The following PRKCZ variants were observed in gnomAD, a reference collection of about 807,000 sequenced individuals.
The protein encoded by PRKCZ is protein kinase C zeta.
A neutral mutation model predicts 79.5 loss-of-function variants in PRKCZ; 33 were observed. That is an observed-to-expected ratio of 0.41 (90% CI 0.31 to 0.55). The LOEUF is 0.55. Among genes scored for constraint, PRKCZ ranks in the 20% least tolerant of loss-of-function variants. PRKCZ has a pLI of 0.19. For synonymous variants in PRKCZ, 342 were observed against 320.9 expected, an observed-to-expected ratio of 1.07 and a Z score of -0.70; for missense variants, 578 against 813.5, an observed-to-expected ratio of 0.71 and a Z score of 3.52.
intron 9 of PRKCZ, among the ~76,000 whole-genome samples, chr1:2,152,309 G>T (rs780746313): frequency 6.6e-6 from 1 of 152,116 alleles, no homozygotes; most frequent in Non-Finnish European, 1.5e-5. Flanking sequence ...GAGACAGGTG[G>T]ATTACCTGAG....
intron 5 of PRKCZ, among the ~76,000 whole-genome samples, chr1:2,137,106 T>A (rs1676360623): frequency 6.6e-6 from 1 of 152,188 alleles, no homozygotes; most frequent in African/African-American, 2.4e-5. Flanking sequence ...CTTCAGCCTC[T>A]GCCAGAGGCT....
At chr1:2,063,637 G>A (rs894201466) in intron 4 of PRKCZ, among the ~76,000 whole-genome samples, 1 of 152,086 alleles carries the variant, frequency 6.6e-6, no homozygotes, top group Non-Finnish European at 1.5e-5. Flanking sequence ...AAGAGCCGCC[G>A]TGCCATTTCC....
intron 4 of PRKCZ, among the ~76,000 whole-genome samples, chr1:2,129,050 G>A (rs1674468350): frequency 6.6e-6 from 1 of 152,108 alleles, no homozygotes; most frequent in Non-Finnish European, 1.5e-5. Context: ...ACTTTTGAGG[G>A]GTGGGGACCG....
chr1:2,099,097 T>C (rs566649242), intron 4 of PRKCZ, among the ~76,000 whole-genome samples: 12 of 152,218 alleles, frequency 7.9e-5, no homozygotes, highest in African/African-American at 2.4e-4. Flanking sequence ...ACTTCCGTTG[T>C]TGTCTGTGTT....
At chr1:2,059,238 A>G (rs375011943) in intron 3 of PRKCZ, among the ~76,000 whole-genome samples, 16 of 152,366 alleles carry the variant, frequency 1.1e-4, no homozygotes, top group Middle Eastern at 3.4e-3. Context: ...AAGTAATTGC[A>G]TTTCTTTCCC....
intron 4 of PRKCZ, among the ~76,000 whole-genome samples, chr1:2,077,557 A>G (rs1662674194): frequency 6.6e-6 from 1 of 152,200 alleles, no homozygotes; most frequent in South Asian, 2.1e-4. Context: ...ATGGTTGTGT[A>G]TAAAGTTTGC....
At chr1:2,086,860 C>T (rs1664619941) in intron 4 of PRKCZ, among the ~76,000 whole-genome samples, 1 of 152,246 alleles carries the variant, frequency 6.6e-6, no homozygotes, top group Admixed American at 6.5e-5. Context: ...AGAGCCGCGG[C>T]ATCGTCACCA....
At chr1:2,104,003 A>G (rs1667937306) in intron 4 of PRKCZ, among the ~76,000 whole-genome samples, 1 of 152,248 alleles carries the variant, frequency 6.6e-6, no homozygotes, top group African/African-American at 2.4e-5. Context: ...GTCCACACAG[A>G]TGACAGCACC....
chr1:2,151,631 A>G lies in PRKCZ; in HGVS notation c.876+653A>G, dbSNP rs554476354. ...CCACACCAGCTGTTTCTAGGGGAGA[A>G]GTTTGTTGATTATAGGATCAATGGT... On this transcript the variant is annotated intron_variant, in intron 9 of 17. Transcript: ENST00000378567. 6.6e-5 allele frequency among the ~76,000 whole-genome samples: 10 copies of G among 152,258 alleles called. No homozygotes were observed. In the South Asian group the frequency reaches 1.4e-3, roughly 22 times the overall value.
intron 4 of PRKCZ, among the ~76,000 whole-genome samples, chr1:2,081,816 C>T (rs1375146402): frequency 6.6e-6 from 1 of 151,632 alleles, no homozygotes; most frequent in Admixed American, 6.6e-5. Context: ...CACCCCACCA[C>T]TGCCGCCCCG....
Position 2,185,037 on chromosome 1 carries a change from G to C in PRKCZ, c.*28G>C. 9 of 1,576,730 alleles carry C rather than the reference G, an allele frequency of 5.7e-6. No individual in the cohort carries two copies. Among genetic ancestry groups the C allele is most frequent in the Non-Finnish European group, 7.8e-6 (9 of 1,152,872 alleles). The stretch of plus-strand genomic sequence containing the variant: ...CCGCGTGCGTCTCTGTCGTGGACAC[G>C]CGTGATTGACCCTTTAACTGTATCC... On this transcript the variant is annotated 3_prime_UTR_variant, in exon 18 of 18. Transcript: ENST00000378567.
intron 4 of PRKCZ, chr1:2,074,021 C>T (rs574970548): frequency 6.6e-5 from 95 of 1,433,708 alleles, no homozygotes; most frequent in African/African-American, 5.3e-4. Context: ...GGACGGTGCC[C>T]GAGTCAGCAT....
rs1204517925 is a variant in PRKCZ at position 2,173,893 on chromosome 1, C to T, written c.1286-4C>T. On this transcript the variant is annotated splice_region_variant and splice_polypyrimidine_tract_variant and intron_variant, in intron 13 of 17. Coordinates refer to ENST00000378567, the MANE Select transcript of PRKCZ (RefSeq NM_002744.6). This position sits in a 1 kb window ranked among gnomAD's most constrained non-coding sequence, Gnocchi z 5.7. ...CTCGGTGATGGCTGTGTGCTCTCCC[C>T]CAGGGTTCAGCGTGGACTGGTGGGC... The T allele has an allele frequency of 1.9e-6, 3 of 1,600,758 alleles. No homozygotes were observed. The highest frequency in any genetic ancestry group is 2.7e-5 in the African/African-American group (2 of 74,446).
intron 4 of PRKCZ, among the ~76,000 whole-genome samples, chr1:2,124,213 A>G (rs1161425355): frequency 1.6e-5 from 2 of 122,748 alleles, no homozygotes; most frequent in Admixed American, 8.5e-5. Context: ...TCACGGCTGT[A>G]GTTAGCGTCA....
At chr1:2,109,602 C>T (rs899272442) in intron 4 of PRKCZ, among the ~76,000 whole-genome samples, 7 of 152,144 alleles carry the variant, frequency 4.6e-5, no homozygotes, top group African/African-American at 1.7e-4. Flanking sequence ...GTGGCTTCAG[C>T]GAGAGTCCAT....
At chr1:2,060,989 T>C (rs1054910955) in intron 4 of PRKCZ, among the ~76,000 whole-genome samples, 17 of 152,190 alleles carry the variant, frequency 1.1e-4, no homozygotes, top group African/African-American at 3.4e-4. Context: ...TTTTTATAGA[T>C]ACATAAACAC....
intron 6 of PRKCZ, chr1:2,144,704 A>G: frequency 1.1e-6 from 1 of 945,226 alleles, no homozygotes. Context: ...AGCATTGGGC[A>G]CGCTGAGGCT....
At chr1:2,133,315 C>T (rs549939210) in intron 4 of PRKCZ, among the ~76,000 whole-genome samples, 2 of 151,354 alleles carry the variant, frequency 1.3e-5, no homozygotes, top group East Asian at 2.0e-4. Context: ...CGCAGCTGCA[C>T]GTTCGTCCCT....
intron 10 of PRKCZ, among the ~76,000 whole-genome samples, chr1:2,164,158 T>A (rs1234246053): frequency 6.6e-6 from 1 of 152,210 alleles, no homozygotes; most frequent in African/African-American, 2.4e-5. Context: ...ATATTCATAT[T>A]GTTTTAGTTT....
Sources: gnomAD v4.1 joint callset for allele counts (sites outside exome capture counted in the v4.1 genomes callset) on GRCh38, gnomAD v4.1.1 for gene constraint, Gnocchi (gnomAD v3.1) non-coding constraint, MANE v1.5 for transcripts, NCBI Gene and HGNC (gene_info 2026-07-23, HGNC 2026-07-21) for gene names.